Variants in FAT3 observed in about 807,000 individuals in gnomAD.
FAT3 encodes FAT atypical cadherin 3, also known as protocadherin Fat 3.
In FAT3, 95 loss-of-function variants were observed where a neutral mutation model predicts 310.2. The observed-to-expected ratio is 0.31, with a 90% confidence interval of 0.26 to 0.36. The LOEUF (loss-of-function observed/expected upper bound fraction) is 0.36, where lower values mean the gene tolerates loss of function less well. Ranked by LOEUF, FAT3 falls within the 10% of genes least tolerant of loss-of-function variation. FAT3 has a pLI of 1.00. For synonymous variants in FAT3, 2,314 were observed against 2,192.9 expected (o/e 1.06, Z -1.54); for missense variants, 5,408 against 5,715.6 (o/e 0.95, Z 1.74).
chr11:92,473,751 G>T (rs1305933510), intron 2 of FAT3, among the ~76,000 whole-genome samples: 1 of 152,138 alleles, frequency 6.6e-6, no homozygotes, highest in Non-Finnish European at 1.5e-5. Flanking sequence ...CTCTCACAGA[G>T]AAAAAGACCT....
At chr11:92,778,468 C>T (rs1377447003) in intron 7 of FAT3, among the ~76,000 whole-genome samples, 2 of 152,172 alleles carry the variant, frequency 1.3e-5, no homozygotes, top group African/African-American at 2.4e-5. Context: ...ACCCCTGCCC[C>T]ACTTCAAATC....
chr11:92,529,927 G>A (rs990940712), intron 3 of FAT3, among the ~76,000 whole-genome samples: 2 of 152,254 alleles, frequency 1.3e-5, no homozygotes, highest in Middle Eastern at 3.4e-3. Context: ...TTTATGTGTT[G>A]GTAGACTGGC....
chr11:92,649,874 C>CATATATATAT lies in FAT3; in HGVS notation c.3608-47477_3608-47468dup, dbSNP rs10528724. Reference sequence around the variant, plus strand: ...TTGTTAAACACCCACTTTGTATGTTCATATATATATATATATATATATATA... The same window carrying CATATATATAT: ...TTGTTAAACACCCACTTTGTATGTTCATATATATATATATATATATATATATATATATATA... On this transcript the variant is annotated intron_variant, in intron 3 of 27. Transcript: ENST00000525166. Among the ~76,000 whole-genome samples the CATATATATAT allele has an allele frequency of 1.5e-3, 72 of 49,632 alleles. 7 individuals are homozygous for CATATATATAT. Among genetic ancestry groups the CATATATATAT allele is most frequent in the East Asian group, 3.7e-3 (5 of 1,352 alleles). The allele number at this position is 49,632 out of a possible 152,430, so 32.6% of individuals were successfully genotyped here.
At chr11:92,555,207 G>A (rs1565407767) in intron 3 of FAT3, among the ~76,000 whole-genome samples, 1 of 152,320 alleles carries the variant, frequency 6.6e-6, no homozygotes, top group East Asian at 1.9e-4. Context: ...GAGATAACTT[G>A]ATGAGATGAT....
chr11:92,424,079 G>GT (rs1950582505), intron 2 of FAT3, among the ~76,000 whole-genome samples: 1 of 151,978 alleles, frequency 6.6e-6, no homozygotes, highest in South Asian at 2.1e-4. Context: ...GTTTTGTTTT[G>GT]TTTTTTGCTT....
chr11:92,568,792 G>T (rs1955568657), intron 3 of FAT3, among the ~76,000 whole-genome samples: 1 of 152,062 alleles, frequency 6.6e-6, no homozygotes, highest in South Asian at 2.1e-4. Context: ...TCAAAACTCT[G>T]CTGAAAGATC....
chr11:92,524,723 C>G lies in FAT3; in HGVS notation c.3382C>G (p.Leu1128Val). 6.2e-7 allele frequency: 1 copy of G among 1,613,830 alleles called. No homozygotes were observed. Among genetic ancestry groups the G allele is most frequent in the East Asian group, 2.2e-5 (1 of 44,868 alleles). Residue 1128 changes from leucine (L) to valine (V), a missense_variant, in exon 3 of 28, where the codon CTC becomes GTC. By Grantham distance (32) the Leu-to-Val change is conservative. Around this residue, in one of 5 missense-constraint regions of FAT3, gnomAD observed 4,588 missense variants for 4,809.8 expected, o/e 0.95. Transcript: ENST00000525166. ...TGCCACAGACAGGGGCGTTGTTCCA[C>G]TCTACTCCACCATTGAGGTCTACAT... ...VYATDRGVVP[L>V]YSTIEVYIEV... is the part of the protein sequence containing the mutation.
chr11:92,619,035 T>C (rs1940958348), intron 3 of FAT3, among the ~76,000 whole-genome samples: 3 of 152,208 alleles, frequency 2.0e-5, no homozygotes, highest in African/African-American at 7.2e-5. Context: ...ATTTGTTTCA[T>C]GTTTTAATCC....
chr11:92,371,106 T>TA (rs1269853519), intron 2 of FAT3, among the ~76,000 whole-genome samples: 1 of 152,234 alleles, frequency 6.6e-6, no homozygotes, highest in African/African-American at 2.4e-5. Context: ...TGGTCATACT[T>TA]ACAGCAGTGG....
In FAT3 at chr11:92,894,665, G is replaced by T. The variant is rs1949987489; in HGVS notation, c.*3552G>T. On this transcript the variant is annotated 3_prime_UTR_variant, in exon 28 of 28. Coordinates refer to ENST00000525166, the MANE Select transcript of FAT3 (RefSeq NM_001367949.2). ...GCTTCATTTATTCCCTTTCCTCTATGAATATTTTGCTGCTGCATTCTAGTC... is the reference window on the plus strand; with the variant it reads ...GCTTCATTTATTCCCTTTCCTCTATTAATATTTTGCTGCTGCATTCTAGTC... 1 of 152,144 alleles carries T rather than the reference G, an allele frequency of 6.6e-6. No individual in the cohort carries two copies. The highest frequency in any genetic ancestry group is 2.4e-5 in the African/African-American group (1 of 41,440). 9.4% of individuals were successfully genotyped at this position (152,144 alleles called of 1,614,324 possible). A position where few individuals can be genotyped will look rare whatever the true frequency, so the allele number is the denominator to read the frequency against.
chr11:92,576,224 T>C (rs1938478285), intron 3 of FAT3, among the ~76,000 whole-genome samples: 2 of 152,126 alleles, frequency 1.3e-5, no homozygotes, highest in African/African-American at 4.8e-5. Context: ...CTGCATTCAT[T>C]TTCTCTGGTG....
At chr11:92,299,688 C>T (rs1380048686) in intron 1 of FAT3, among the ~76,000 whole-genome samples, 1 of 152,088 alleles carries the variant, frequency 6.6e-6, no homozygotes, top group African/African-American at 2.4e-5. Flanking sequence ...ACAACTATGT[C>T]TCATATCTTA....
chr11:92,490,528 G>A (rs1952569955), intron 2 of FAT3, among the ~76,000 whole-genome samples: 1 of 152,066 alleles, frequency 6.6e-6, no homozygotes, highest in Admixed American at 6.6e-5. Flanking sequence ...CTGTAAAGTG[G>A]TGGGGTTTTT....
intron 4 of FAT3, among the ~76,000 whole-genome samples, chr11:92,736,977 G>A (rs571015644): frequency 2.0e-4 from 31 of 152,274 alleles, no homozygotes; most frequent in Admixed American, 2.0e-3. Flanking sequence ...ACGGAACGTG[G>A]TTAAGGGAGA....
intron 3 of FAT3, among the ~76,000 whole-genome samples, chr11:92,536,864 A>G (rs1036146091): frequency 6.6e-6 from 1 of 152,136 alleles, no homozygotes; most frequent in Non-Finnish European, 1.5e-5. Flanking sequence ...CAATATTTCA[A>G]CTTCCCAAGA....
chr11:92,230,806 T>C (rs1019158656), intron 1 of FAT3, among the ~76,000 whole-genome samples: 4 of 152,188 alleles, frequency 2.6e-5, no homozygotes, highest in African/African-American at 9.7e-5. Flanking sequence ...CAAAAGAATG[T>C]CTATGAACAG....
chr11:92,328,579 T>C (rs1947824383), intron 1 of FAT3, among the ~76,000 whole-genome samples: 1 of 152,168 alleles, frequency 6.6e-6, no homozygotes, highest in Admixed American at 6.5e-5. Context: ...GAGAAAGAAC[T>C]TGCACTCAAG....
At chr11:92,650,839 T>C (rs914954916) in intron 3 of FAT3, among the ~76,000 whole-genome samples, 1 of 152,214 alleles carries the variant, frequency 6.6e-6, no homozygotes, top group African/African-American at 2.4e-5. Flanking sequence ...CTTAAAGGGA[T>C]ATTGTGAGGA....
rs116077579 is a variant in FAT3, at chr11:92,257,153, T to A, written c.-18+31979T>A. Among the ~76,000 whole-genome samples, 1,443 of 152,230 alleles carry A rather than the reference T, an allele frequency of 9.5e-3. 34 individuals are homozygous for A. Among genetic ancestry groups the A allele is most frequent in the African/African-American group, 0.033 (1,364 of 41,540 alleles). On this transcript the variant is annotated intron_variant, in intron 1 of 27. Transcript: ENST00000525166. ...GACAGAACCAAAAAATAAATTCCCATGTGCTAAGACTTGTGGGAGAACAGG... is the reference window on the plus strand; with the variant it reads ...GACAGAACCAAAAAATAAATTCCCAAGTGCTAAGACTTGTGGGAGAACAGG...
Sources: allele counts gnomAD v4.1 joint callset (sites outside exome capture counted in the v4.1 genomes callset), GRCh38; gene constraint gnomAD v4.1.1; regional missense constraint gnomAD v4.1.1; transcripts MANE v1.5; gene names NCBI Gene and HGNC (gene_info 2026-07-23, HGNC 2026-07-21).